The following HMGXB3 variants were observed in gnomAD, a reference collection of about 807,000 sequenced individuals.
The protein encoded by HMGXB3 is HMG domain-containing protein 3.
In HMGXB3, 45 loss-of-function variants were observed where a neutral mutation model predicts 121.5. The ratio of observed to expected loss-of-function variants is 0.37; its 90% CI spans 0.29 to 0.47. HMGXB3 has a LOEUF of 0.47. Among genes scored for constraint, HMGXB3 ranks in the 20% least tolerant of loss-of-function variants. The probability of loss-of-function intolerance (pLI) is 0.99; values close to 1 mark genes in which losing one functional copy is unlikely to be tolerated. For synonymous variants in HMGXB3, 590 were observed against 624.1 expected (o/e 0.95, Z 0.81); for missense variants, 1,376 against 1,602.2 (o/e 0.86, Z 2.41).
chr5:150,012,127 T>C (rs975366075), intron 4 of HMGXB3, 128 bp from the exon 5 acceptor site: 15 of 642,444 alleles, frequency 2.3e-5, no homozygotes, highest in Non-Finnish European at 4.2e-5. Flanking sequence ...TTCATTCCTT[T>C]TGATAAGCAC....
chr5:150,047,986 A>G (rs1756799635), intron 17 of HMGXB3, among the ~76,000 whole-genome samples: 1 of 152,210 alleles, frequency 6.6e-6, no homozygotes, highest in South Asian at 2.1e-4. Flanking sequence ...TGGGGTCAGG[A>G]ATCCTGGCTC....
At chr5:150,016,446 C>T (rs1027243520) in intron 5 of HMGXB3, among the ~76,000 whole-genome samples, 4 of 151,594 alleles carry the variant, frequency 2.6e-5, no homozygotes, top group Non-Finnish European at 5.9e-5. Context: ...GACTCTCTTG[C>T]GAAGTATGTA....
chr5:150,024,781 G>A, intron 7 of HMGXB3, 101 bp downstream of exon 7: 1 of 1,007,804 alleles, frequency 9.9e-7, no homozygotes, highest in East Asian at 2.7e-5. Flanking sequence ...CAGAGACCAG[G>A]CAATGGTTCC....
chr5:150,023,703 G>T (rs1756156014), intron 6 of HMGXB3, among the ~76,000 whole-genome samples: 1 of 152,160 alleles, frequency 6.6e-6, no homozygotes, highest in Non-Finnish European at 1.5e-5. Flanking sequence ...ATTTGATCCA[G>T]TGCAAAGTAT....
chr5:150,010,493 C>T lies in HMGXB3; in HGVS notation c.695C>T (p.Thr232Ile). 6.4e-7 allele frequency: 1 copy of T among 1,551,702 alleles called. No individual in the cohort carries two copies. The highest frequency in any genetic ancestry group is 8.7e-7 in the Non-Finnish European group (1 of 1,147,004). The change falls in exon 4 of 20, where the codon ACA becomes ATA. Residue 232 changes from threonine to isoleucine, a missense_variant. Thr to Ile is a moderately conservative substitution (Grantham distance 89). Around this residue, in one of 2 missense-constraint regions of HMGXB3, gnomAD observed 1,116 missense variants for 1,369.0 expected, o/e 0.82. Transcript: ENST00000502717. ...GGGGAGAGCCACCAACCTTACCAGA[C>T]AAGCCTGGTAATTGAAGAGACCTTG... is the stretch of plus-strand genomic sequence containing the variant. ...EVGESHQPYQTSLVIEETLVN... is the reference protein window; with the variant it reads ...EVGESHQPYQISLVIEETLVN...
chr5:150,042,076 G>T, intron 15 of HMGXB3, 107 bp downstream of exon 15: 1 of 812,848 alleles, frequency 1.2e-6, no homozygotes, highest in South Asian at 2.1e-5. Context: ...TCCTGTCTAG[G>T]TGAGGCAAGT....
chr5:150,010,581 G>T lies in HMGXB3; in HGVS notation c.783G>T (p.Glu261Asp). The change falls in exon 4 of 20, where the codon GAG (glutamate) becomes GAT (aspartate). Residue 261 changes from glutamate (E) to aspartate (D), a missense_variant. Coordinates refer to ENST00000502717, the MANE Select transcript of HMGXB3 (RefSeq NM_014983.3). ...CTGTGCCCCACCCCCAGGTTGGGGA[G>T]AGTGTATCAGTGGTAACAGTCATGA... ...SLAVPHPQVGESVSVVTVMRD... is the reference protein window; with the variant it reads ...SLAVPHPQVGDSVSVVTVMRD... 1 of 1,551,260 alleles carries T rather than the reference G, an allele frequency of 6.4e-7. No individual in the cohort carries two copies. The highest frequency in any genetic ancestry group is 1.2e-5 in the South Asian group (1 of 84,032).
rs1478835902 is a variant in HMGXB3, at chr5:150,024,408, T to G, written c.1188T>G (p.Ala396=). The G allele has an allele frequency of 6.4e-7, 1 of 1,551,738 alleles. No individual in the cohort carries two copies. The highest frequency in any genetic ancestry group is 2.0e-5 in the Admixed American group (1 of 51,004). Reference sequence around the variant, plus strand: ...AACTGACTCTGGAGAATTCGGAAGCTGTAAGCCAGCTCCTGAACGTAGCTC... The same window carrying G: ...AACTGACTCTGGAGAATTCGGAAGCGGTAAGCCAGCTCCTGAACGTAGCTC... The part of the protein sequence containing the change: ...ASKLTLENSE[A]VSQLLNVAPP... Residue 396 remains alanine, a synonymous_variant, in exon 7 of 20, where the codon GCT becomes GCG. Coordinates refer to ENST00000502717, the MANE Select transcript of HMGXB3 (RefSeq NM_014983.3).
intron 18 of HMGXB3, 62 bp downstream of exon 18, chr5:150,048,747 G>A (rs1756819595): frequency 1.7e-6 from 2 of 1,199,268 alleles, no homozygotes; most frequent in Admixed American, 2.0e-5. Context: ...CCCATACAGG[G>A]ACTGATCCAG....
At chr5:150,026,264 G>A (rs1756227849) in intron 7 of HMGXB3, among the ~76,000 whole-genome samples, 1 of 152,196 alleles carries the variant, frequency 6.6e-6, no homozygotes, top group Admixed American at 6.5e-5. Context: ...GTTTATTGAG[G>A]CCTCCTCTGT....
Position 150,010,514 on chromosome 5 carries a change from C to T in HMGXB3, c.716C>T (p.Thr239Ile). The T allele has an allele frequency of 6.4e-7, 1 of 1,551,638 alleles. No homozygotes were observed. The highest frequency in any genetic ancestry group is 8.7e-7 in the Non-Finnish European group (1 of 1,146,998). Residue 239 changes from threonine to isoleucine, a missense_variant, in exon 4 of 20, where the codon ACC becomes ATC. Thr to Ile is a moderately conservative substitution (Grantham distance 89). Transcript: ENST00000502717. ...CAGACAAGCCTGGTAATTGAAGAGA[C>T]CTTGGTGAATGGCTCACCAGACCTC... ...PYQTSLVIEETLVNGSPDLPT... is the reference protein window; with the variant it reads ...PYQTSLVIEEILVNGSPDLPT...
At chr5:150,020,706 T>C (rs910630057) in intron 6 of HMGXB3, among the ~76,000 whole-genome samples, 2 of 151,750 alleles carry the variant, frequency 1.3e-5, no homozygotes, top group Admixed American at 1.3e-4. Flanking sequence ...ACTATAGGCA[T>C]ATGACATCAT....
intron 11 of HMGXB3, among the ~76,000 whole-genome samples, chr5:150,033,215 A>G (rs6890492): frequency 0.17 from 25,448 of 152,032 alleles, 2,631 homozygotes; most frequent in Admixed American, 0.27. Context: ...TGAGTTTTTT[A>G]AAGTGAACAG....
chr5:150,015,605 A>C (rs1422599640), intron 5 of HMGXB3, among the ~76,000 whole-genome samples: 1 of 152,144 alleles, frequency 6.6e-6, no homozygotes, highest in Non-Finnish European at 1.5e-5. Flanking sequence ...TTCTTTTCTA[A>C]TGTAGGTGCT....
chr5:150,022,029 T>C (rs1012748732), intron 6 of HMGXB3: 1 of 331,916 alleles, frequency 3.0e-6, no homozygotes, highest in Non-Finnish European at 5.9e-6. Context: ...GCACCACCTA[T>C]GACTGTGTCT....
chr5:150,018,863 A>G (rs570993389), intron 6 of HMGXB3, among the ~76,000 whole-genome samples, 166 bp downstream of exon 6: 10 of 152,356 alleles, frequency 6.6e-5, no homozygotes, highest in African/African-American at 2.4e-4. Flanking sequence ...ACAAAAGAAA[A>G]ATGGAATAAA....
rs73271693 is a variant in HMGXB3, at chr5:150,000,902, C to T, written c.-280C>T. On this transcript the variant is annotated 5_prime_UTR_variant, in exon 1 of 20. Coordinates refer to ENST00000502717, the MANE Select transcript of HMGXB3 (RefSeq NM_014983.3). The stretch of plus-strand genomic sequence containing the variant: ...GCGAACCTGTGCTCCTATTCTTGCC[C>T]TTCAGGACCCCATATCGCGACTCCG... 0.038 allele frequency: 5,913 copies of T among 154,856 alleles called. 378 individuals are homozygous for T. Among genetic ancestry groups the T allele is most frequent in the African/African-American group, 0.13 (5,443 of 41,608 alleles). 9.6% of individuals were successfully genotyped at this position (154,856 alleles called of 1,614,324 possible). A position where few individuals can be genotyped will look rare whatever the true frequency, so the allele number is the denominator to read the frequency against.
At chr5:150,016,535 T>C (rs1187474589) in intron 5 of HMGXB3, among the ~76,000 whole-genome samples, 2 of 152,226 alleles carry the variant, frequency 1.3e-5, no homozygotes, top group African/African-American at 2.4e-5. Context: ...TAGTAATCTT[T>C]GCTCTGAAAT....
At chr5:150,004,773 G>C in intron 1 of HMGXB3, 78 bp from the exon 2 acceptor site, 1 of 955,838 alleles carries the variant, frequency 1.0e-6, no homozygotes, top group Non-Finnish European at 1.6e-6. Flanking sequence ...GCAGAGGTAA[G>C]GGGTTATTTG....
Sources: gnomAD v4.1 joint callset for allele counts (sites outside exome capture counted in the v4.1 genomes callset) on GRCh38, gnomAD v4.1.1 for gene constraint, gnomAD v4.1.1 regional missense constraint, MANE v1.5 for transcripts, NCBI Gene and HGNC (gene_info 2026-07-23, HGNC 2026-07-21) for gene names.